The following GPR89A variants were observed in gnomAD, a reference collection of about 807,000 sequenced individuals.
GPR89A encodes G protein-coupled receptor 89A.
Under a neutral mutation model 52.0 loss-of-function variants are expected in GPR89A, and 16 were observed. The ratio of observed to expected loss-of-function variants is 0.31; its 90% CI spans 0.21 to 0.47. The LOEUF (loss-of-function observed/expected upper bound fraction) is 0.47, where lower values mean the gene tolerates loss of function less well. Ranked by LOEUF, GPR89A falls within the 20% of genes least tolerant of loss-of-function variation. The pLI is 1.00. For missense variants in GPR89A, 135 were observed against 449.4 expected (o/e 0.30, Z 6.33); for synonymous variants, 55 against 150.9 (o/e 0.36, Z 4.66).
Position 145,650,930 on chromosome 1 carries a change from C to A in GPR89A, c.909+3663C>A. On this transcript the variant is annotated intron_variant, in intron 10 of 13. Coordinates refer to ENST00000313835, the MANE Select transcript of GPR89A (RefSeq NM_001097612.2). ...ATGGATAGATTGCAAAAATTTTCTC[C>A]CATTCTGTTGGTTGTCTGTTCACCC... Among the ~76,000 whole-genome samples the A allele has an allele frequency of 2.0e-5, 3 of 151,708 alleles. 1 individual carries two copies. The highest frequency in any genetic ancestry group is 6.8e-3 in the Middle Eastern group (2 of 294).
intron 8 of GPR89A, chr1:145,645,646 G>A (rs1420267502): frequency 6.6e-6 from 3 of 453,778 alleles, no homozygotes; most frequent in African/African-American, 6.0e-5. Flanking sequence ...AACTCTCTGA[G>A]CTTCACTTTC....
chr1:145,624,732 A>C (rs1553688753), intron 5 of GPR89A, among the ~76,000 whole-genome samples: 1 of 130,900 alleles, frequency 7.6e-6, no homozygotes, highest in Non-Finnish European at 1.6e-5. Flanking sequence ...TAAACTAGAA[A>C]ACCTCACTGA....
chr1:145,608,116 C>G lies in GPR89A; in HGVS notation c.-18C>G, dbSNP rs587685062. On this transcript the variant is annotated 5_prime_UTR_variant, in exon 1 of 14. Coordinates refer to ENST00000313835, the MANE Select transcript of GPR89A (RefSeq NM_001097612.2). The stretch of plus-strand genomic sequence containing the variant: ...GGGGAGTGGGAAGTGGAGGCAGGAG[C>G]CTTCCTTACACTTCGCCATGAGTTT... The G allele has an allele frequency of 2.4e-4, 382 of 1,613,650 alleles. No individual in the cohort carries two copies. Among genetic ancestry groups the G allele is most frequent in the Non-Finnish European group, 3.1e-4 (367 of 1,179,808 alleles).
At position 145,626,382 on chromosome 1, in the gene GPR89A, C is replaced by T. The variant is rs1241662602; in HGVS notation, c.415+2668C>T. Among the ~76,000 whole-genome samples, 6 of 151,926 alleles carry T rather than the reference C, an allele frequency of 3.9e-5. No homozygotes were observed. In the South Asian group the frequency reaches 1.0e-3, roughly 26 times the overall value. ...GTATCTATTGTCCTTTCATCCACCC[C>T]TTTTTCTAAATTCTATGGGATTACC... On this transcript the variant is annotated intron_variant, in intron 5 of 13. Transcript: ENST00000313835.
At chr1:145,641,412 T>A (rs1650646027) in intron 7 of GPR89A, among the ~76,000 whole-genome samples, 1 of 151,738 alleles carries the variant, frequency 6.6e-6, no homozygotes, top group Non-Finnish European at 1.5e-5. Context: ...GATGGAAATG[T>A]CCCGTATTGT....
chr1:145,645,566 G>T, intron 8 of GPR89A: 1 of 453,980 alleles, frequency 2.2e-6, no homozygotes, highest in Admixed American at 2.4e-5. Context: ...GAAAGAGCAG[G>T]CTTTGGAGGA....
At chr1:145,632,081 G>T (rs1649912202) in intron 7 of GPR89A, among the ~76,000 whole-genome samples, 1 of 141,664 alleles carries the variant, frequency 7.1e-6, no homozygotes, top group Non-Finnish European at 1.5e-5. Context: ...CTCATTTCTT[G>T]AATTTAGATC....
At chr1:145,662,015 T>C (rs1189320953) in intron 10 of GPR89A, among the ~76,000 whole-genome samples, 3 of 152,174 alleles carry the variant, frequency 2.0e-5, no homozygotes, top group African/African-American at 7.2e-5. Flanking sequence ...ATGAATCTTT[T>C]AAATTATTGA....
intron 7 of GPR89A, among the ~76,000 whole-genome samples, chr1:145,637,496 A>G (rs2249036): frequency 5.3e-5 from 8 of 152,292 alleles, no homozygotes; most frequent in South Asian, 2.1e-4. Flanking sequence ...GCTTACTAGT[A>G]CCAAAAAAAT....
intron 10 of GPR89A, among the ~76,000 whole-genome samples, chr1:145,661,006 C>T (rs1206613501): frequency 5.3e-5 from 8 of 151,912 alleles, no homozygotes; most frequent in Non-Finnish European, 8.8e-5. Context: ...CACATGCACA[C>T]GTATGTTTAT....
At chr1:145,665,319 C>CA (rs1270847392) in intron 11 of GPR89A, among the ~76,000 whole-genome samples, 6 of 150,954 alleles carry the variant, frequency 4.0e-5, no homozygotes, top group Admixed American at 6.6e-5. Context: ...CCTGGCTCTA[C>CA]AAAAAAAATA....
At chr1:145,648,891 G>A (rs1366640531) in intron 10 of GPR89A, among the ~76,000 whole-genome samples, 2 of 140,662 alleles carry the variant, frequency 1.4e-5, no homozygotes, top group African/African-American at 5.5e-5. Context: ...CAACCCCTCC[G>A]CCTTCCAGAT....
At chr1:145,643,024 A>G (rs1553691976) in intron 7 of GPR89A, among the ~76,000 whole-genome samples, 1 of 138,454 alleles carries the variant, frequency 7.2e-6, no homozygotes, top group Non-Finnish European at 1.5e-5. Context: ...CTGATATTTT[A>G]GAAGGGGACA....
intron 5 of GPR89A, among the ~76,000 whole-genome samples, chr1:145,626,845 C>T (rs1240015146): frequency 2.0e-5 from 3 of 149,904 alleles, no homozygotes; most frequent in African/African-American, 7.4e-5. Flanking sequence ...AGCTACTCCC[C>T]GGAGGCCGGA....
intron 7 of GPR89A, among the ~76,000 whole-genome samples, chr1:145,636,440 A>G (rs1415426727): frequency 4.6e-4 from 68 of 149,444 alleles, no homozygotes; most frequent in Non-Finnish European, 8.4e-4. Context: ...CCATAGTGAG[A>G]TGACATACAA....
In GPR89A at chr1:145,624,414, TGAATCTATCTAAAAAGATTAGA is replaced by T. The variant is rs1377681022; in HGVS notation, c.415+725_415+746del. Among the ~76,000 whole-genome samples the T allele has an allele frequency of 1.1e-4, 15 of 139,278 alleles. No homozygotes were observed. In the South Asian group the frequency reaches 2.5e-3, roughly 23 times the overall value. The allele number at this position is 139,278 out of a possible 152,430, so 91.4% of individuals were successfully genotyped here. A position where few individuals can be genotyped will look rare whatever the true frequency, so the allele number is the denominator to read the frequency against. ...TCCAGAACTATTTCAGAAGTATGTA[TGAATCTATCTAAAAAGATTAGA>T]GAATCTATCTAAAAAGATTAGAGAG... On this transcript the variant is annotated intron_variant, in intron 5 of 13. Transcript: ENST00000313835.
chr1:145,626,987 A>C (rs1649555158), intron 5 of GPR89A, among the ~76,000 whole-genome samples: 2 of 151,596 alleles, frequency 1.3e-5, no homozygotes, highest in Admixed American at 1.3e-4. Context: ...CCTTATGTAA[A>C]ATGAAAAAAA....
chr1:145,647,948 G>C (rs1415454795), intron 10 of GPR89A, among the ~76,000 whole-genome samples: 1 of 136,440 alleles, frequency 7.3e-6, no homozygotes, highest in African/African-American at 2.8e-5. Flanking sequence ...TCTGCTTTCT[G>C]TGTTACCCAT....
intron 3 of GPR89A, among the ~76,000 whole-genome samples, chr1:145,619,712 A>C (rs1553687737): frequency 1.3e-5 from 2 of 152,058 alleles, no homozygotes; most frequent in African/African-American, 2.4e-5. Context: ...TCCTGCTTTT[A>C]AACTTTAATA....
Sources: allele counts gnomAD v4.1 joint callset (sites outside exome capture counted in the v4.1 genomes callset), GRCh38; gene constraint gnomAD v4.1.1; transcripts MANE v1.5; gene names NCBI Gene and HGNC (gene_info 2026-07-23, HGNC 2026-07-21).